PCDH15: variants seen among roughly 807,000 people sequenced by gnomAD.
PCDH15 encodes the protein protocadherin-15.
PCDH15 carries 129 observed loss-of-function variants against 178.5 expected under a neutral mutation model. That is an observed-to-expected ratio of 0.72 (90% confidence interval 0.63 to 0.84). PCDH15 has a LOEUF of 0.84. Ranked by LOEUF, PCDH15 falls within the 40% of genes least tolerant of loss-of-function variation. The pLI, the probability that PCDH15 is intolerant of heterozygous loss-of-function variation, is 0.00. For synonymous variants in PCDH15, 800 were observed against 732.0 expected, an observed-to-expected ratio of 1.09 and a Z score of -1.50; for missense variants, 2,230 against 2,099.9, an observed-to-expected ratio of 1.06 and a Z score of -1.21.
chr10:53,819,966 G>C (rs1020316235), intron 33 of PCDH15, among the ~76,000 whole-genome samples, 199 bp downstream of exon 33: 6 of 151,878 alleles, frequency 4.0e-5, no homozygotes, highest in African/African-American at 1.4e-4. Context: ...ATAGTAAAAT[G>C]TTATAGAAAA....
intron 2 of PCDH15, among the ~76,000 whole-genome samples, chr10:55,467,061 G>A (rs1471370019): frequency 2.0e-5 from 3 of 152,058 alleles, no homozygotes; most frequent in African/African-American, 7.2e-5. Context: ...ATTTATAGGC[G>A]TATCTGTCAT....
Position 53,804,670 on chromosome 10 carries a change from T to C in PCDH15, c.*1909A>G, listed in dbSNP as rs1408807465. 3 of 152,002 alleles carry C rather than the reference T, an allele frequency of 2.0e-5. No individual in the cohort carries two copies. The highest frequency in any genetic ancestry group is 4.4e-5 in the Non-Finnish European group (3 of 67,920). The allele number at this position is 152,002 out of a possible 1,614,324, so 9.4% of individuals were successfully genotyped here. A position where few individuals can be genotyped will look rare whatever the true frequency, so the allele number is the denominator to read the frequency against. On this transcript the variant is annotated 3_prime_UTR_variant, in exon 38 of 38. Coordinates refer to ENST00000644397, the MANE Select transcript of PCDH15 (RefSeq NM_001384140.1). The stretch of plus-strand genomic sequence containing the variant: ...ATGATCTGGGGGTATCAAGATAATA[T>C]TAAATTATATTCGATGACCTCTGAT...
intron 2 of PCDH15, among the ~76,000 whole-genome samples, chr10:55,431,447 C>T (rs1838878428): frequency 6.6e-6 from 1 of 152,116 alleles, no homozygotes; most frequent in Non-Finnish European, 1.5e-5. Flanking sequence ...AAAATTACAT[C>T]TGTGAGCTCT....
chr10:55,564,399 A>C (rs766028646), intron 2 of PCDH15, among the ~76,000 whole-genome samples: 3 of 151,744 alleles, frequency 2.0e-5, no homozygotes, highest in South Asian at 2.1e-4. Context: ...TATACATTAA[A>C]AAACGTATGA....
At chr10:55,072,446 A>G (rs1429704428) in intron 2 of PCDH15, among the ~76,000 whole-genome samples, 1 of 152,192 alleles carries the variant, frequency 6.6e-6, no homozygotes, top group African/African-American at 2.4e-5. Context: ...AATACAAACT[A>G]CCATCAGAGA....
intron 2 of PCDH15, among the ~76,000 whole-genome samples, chr10:55,394,262 T>C (rs1178636390): frequency 6.6e-6 from 1 of 152,096 alleles, no homozygotes; most frequent in East Asian, 1.9e-4. Context: ...TTTCCCACTT[T>C]GGTCTCACTT....
At chr10:54,155,627 C>T (rs928079300) in intron 13 of PCDH15, among the ~76,000 whole-genome samples, 20 of 151,676 alleles carry the variant, frequency 1.3e-4, no homozygotes, top group Non-Finnish European at 2.2e-4. Flanking sequence ...ATTCTGAATA[C>T]CCAAATCATA....
chr10:54,015,351 A>G (rs1437834890), intron 20 of PCDH15, among the ~76,000 whole-genome samples: 1 of 151,392 alleles, frequency 6.6e-6, no homozygotes, highest in African/African-American at 2.4e-5. Flanking sequence ...TACAGATTCA[A>G]TGCTATTCCT....
At chr10:54,214,362 A>G (rs908653715) in intron 9 of PCDH15, among the ~76,000 whole-genome samples, 1 of 152,094 alleles carries the variant, frequency 6.6e-6, no homozygotes, top group African/African-American at 2.4e-5. Flanking sequence ...TTTTATTATG[A>G]AATTTTATTT....
rs180857084 is a variant in PCDH15, at chr10:55,383,773, A to G, written c.-155-217122T>C. 6.1e-4 allele frequency among the ~76,000 whole-genome samples: 93 copies of G among 152,240 alleles called. 2 individuals are homozygous for G. In the East Asian group the frequency reaches 0.013, roughly 22 times the overall value. On this transcript the variant is annotated intron_variant, in intron 2 of 5. Transcript: ENST00000613346. ...AACATAACTGACTGGGCTAAAGGGA[A>G]CCAGAGTCCAAGCCATTCCCTCTAA... is the stretch of plus-strand genomic sequence containing the variant.
At chr10:55,244,121 G>A (rs1841626489) in intron 1 of PCDH15, among the ~76,000 whole-genome samples, 1 of 152,042 alleles carries the variant, frequency 6.6e-6, no homozygotes, top group Middle Eastern at 3.4e-3. Context: ...GAACCACATT[G>A]ATCTGGACCA....
At position 55,166,015 on chromosome 10, in the gene PCDH15, C is replaced by A. The variant is rs557343925; in HGVS notation, c.-80+561G>T. ...TGTTACCCAAATTTTATTTTAATTT[C>A]TATTTTGTTGCTCCAATGTTATAAA... On this transcript the variant is annotated intron_variant, in intron 2 of 5. Transcript: ENST00000458638. 1.6e-3 allele frequency among the ~76,000 whole-genome samples: 239 copies of A among 152,164 alleles called. 2 individuals carry two copies. The highest frequency in any genetic ancestry group is 5.4e-3 in the African/African-American group (224 of 41,552).
chr10:54,026,896 C>G (rs868208925), intron 18 of PCDH15, among the ~76,000 whole-genome samples: 2 of 151,684 alleles, frequency 1.3e-5, no homozygotes, highest in Non-Finnish European at 2.9e-5. Flanking sequence ...GGGATGCCCT[C>G]TCTCACCACT....
At chr10:54,465,498 G>T (rs1374430238) in intron 3 of PCDH15, among the ~76,000 whole-genome samples, 1 of 151,892 alleles carries the variant, frequency 6.6e-6, no homozygotes, top group Non-Finnish European at 1.5e-5. Flanking sequence ...TGTGATAATT[G>T]TTTCTGTGCC....
intron 2 of PCDH15, among the ~76,000 whole-genome samples, chr10:55,589,393 T>C (rs546010320): frequency 4.6e-5 from 7 of 152,174 alleles, no homozygotes; most frequent in Non-Finnish European, 8.8e-5. Flanking sequence ...CTGAGGGCTC[T>C]GTTCTGTTCC....
chr10:54,824,407 T>C (rs1953093876), intron 3 of PCDH15, among the ~76,000 whole-genome samples: 1 of 152,186 alleles, frequency 6.6e-6, no homozygotes, highest in South Asian at 2.1e-4. Context: ...GCATCTTAGA[T>C]GGCTACTCTG....
intron 2 of PCDH15, among the ~76,000 whole-genome samples, chr10:55,364,013 G>C (rs1038154185): frequency 1.3e-5 from 2 of 152,062 alleles, no homozygotes; most frequent in Non-Finnish European, 1.5e-5. Flanking sequence ...AGATCAGGTG[G>C]AGGTAATTGA....
At chr10:55,260,569 T>A (rs890948105) in intron 1 of PCDH15, among the ~76,000 whole-genome samples, 1 of 152,186 alleles carries the variant, frequency 6.6e-6, no homozygotes, top group Admixed American at 6.5e-5. Context: ...GTTAAATGGA[T>A]ATAGCTAATT....
At chr10:55,443,264 G>C (rs1407290377) in intron 2 of PCDH15, among the ~76,000 whole-genome samples, 1 of 152,096 alleles carries the variant, frequency 6.6e-6, no homozygotes, top group East Asian at 1.9e-4. Context: ...AAAAGCATTT[G>C]CAACAAAAGC....
Sources: gnomAD v4.1 joint callset for allele counts (sites outside exome capture counted in the v4.1 genomes callset) on GRCh38, gnomAD v4.1.1 for gene constraint, MANE v1.5 for transcripts, NCBI Gene and HGNC (gene_info 2026-07-23, HGNC 2026-07-21) for gene names.